The following ZNF257 variants were observed in gnomAD, a reference collection of about 807,000 sequenced individuals.
ZNF257 encodes zinc finger protein 257, also known as bone marrow zinc finger 4.
In ZNF257, 12 loss-of-function variants were observed where a neutral mutation model predicts 11.9. The observed-to-expected ratio is 1.01, with a 90% CI of 0.65 to 1.63. ZNF257 has a LOEUF of 1.63. ZNF257 is among the 40% of genes most tolerant of loss of function. ZNF257 has a pLI of 0.00. For missense variants in ZNF257, 580 were observed against 665.5 expected, an observed-to-expected ratio of 0.87 and a Z score of 1.41; for synonymous variants, 183 against 222.7, an observed-to-expected ratio of 0.82 and a Z score of 1.59.
At chr19:22,084,560 T>A (rs945929591) in intron 3 of ZNF257, among the ~76,000 whole-genome samples, 1 of 152,104 alleles carries the variant, frequency 6.6e-6, no homozygotes, top group African/African-American at 2.4e-5. Context: ...ATTAAATCTG[T>A]AGATTACATT....
At chr19:22,070,078 T>G (rs2022063056) in intron 1 of ZNF257, among the ~76,000 whole-genome samples, 1 of 151,948 alleles carries the variant, frequency 6.6e-6, no homozygotes, top group East Asian at 1.9e-4. Context: ...CTAGAAGTGG[T>G]GCTCACAGTT....
Position 22,088,683 on chromosome 19 carries a change from TGG to T in ZNF257, c.934_935del (p.Gly312ArgfsTer7). 1 of 1,613,572 alleles carries T rather than the reference TGG, an allele frequency of 6.2e-7. No individual in the cohort carries two copies. The highest frequency in any genetic ancestry group is 8.5e-7 in the Non-Finnish European group (1 of 1,179,836). On this transcript the variant is annotated frameshift_variant, in exon 4 of 4. Coordinates refer to ENST00000594947, the MANE Select transcript of ZNF257 (RefSeq NM_033468.4). LOFTEE classifies it low-confidence loss of function (END_TRUNC). ...TTACTCAACATAAGAGAATTCATAC[TGG>T]AGAGAAACCCTACAAATGTGAAGAG... ...TLTQHKRIHTGEKPYKCEECG... is the reference protein window; with the variant it reads ...TLTQHKRIHTXEKPYKCEECG...
intron 1 of ZNF257, 147 bp downstream of exon 1, chr19:22,052,782 C>T (rs1181557861): frequency 4.3e-6 from 4 of 925,620 alleles, no homozygotes; most frequent in Non-Finnish European, 6.6e-6. Context: ...CCTCGGTCCC[C>T]CTCAGCCATA....
chr19:22,073,591 C>G (rs1490408349), intron 3 of ZNF257, 27 bp downstream of exon 3: 2 of 1,597,820 alleles, frequency 1.3e-6, no homozygotes. Flanking sequence ...GCCAGTACAA[C>G]AGGTGAAACA....
Position 22,055,600 on chromosome 19 carries a change from A to G in ZNF257, c.3+2965A>G, listed in dbSNP as rs556042680. On this transcript the variant is annotated intron_variant, in intron 1 of 3. Coordinates refer to ENST00000594947, the MANE Select transcript of ZNF257 (RefSeq NM_033468.4). ...TTACAAAATAAAATGATCCTGGGCC[A>G]CTCAGTGGGGCATAGTGCAGTTTCT... Among the ~76,000 whole-genome samples the G allele has an allele frequency of 1.5e-4, 23 of 152,278 alleles. No homozygotes were observed. In the South Asian group the frequency reaches 4.6e-3, roughly 30 times the overall value.
chr19:22,073,012 TG>T, intron 2 of ZNF257, 77 bp downstream of exon 2: 2 of 1,385,384 alleles, frequency 1.4e-6, no homozygotes, highest in South Asian at 3.2e-5. Context: ...TTTTGTAGAA[TG>T]TTTTTTGGTA....
intron 3 of ZNF257, among the ~76,000 whole-genome samples, chr19:22,077,741 G>A (rs928084802): frequency 4.6e-5 from 7 of 151,680 alleles, no homozygotes; most frequent in Admixed American, 3.9e-4. Context: ...GTTCAAATAC[G>A]TCTTCCAGGT....
rs1162998890 is a variant in ZNF257 at position 22,088,372 on chromosome 19, A to C, written c.622A>C (p.Lys208Gln). The stretch of plus-strand genomic sequence containing the variant: ...TTCCCACAAATGTGAAGAATGTGGC[A>C]AAGCCTTTAACCAGTCCTCAGCTCT... ...ENSHKCEECG[K>Q]AFNQSSALTR... Residue 208 changes from lysine to glutamine, a missense_variant, in exon 4 of 4, where the codon AAA becomes CAA. By Grantham distance (53) the Lys-to-Gln change is moderately conservative (BLOSUM62 1). Coordinates refer to ENST00000594947, the MANE Select transcript of ZNF257 (RefSeq NM_033468.4). 6.2e-7 allele frequency: 1 copy of C among 1,613,702 alleles called. No homozygotes were observed. The highest frequency in any genetic ancestry group is 8.5e-7 in the Non-Finnish European group (1 of 1,179,870).
intron 1 of ZNF257, among the ~76,000 whole-genome samples, chr19:22,064,635 G>C (rs1225546731): frequency 6.6e-6 from 1 of 152,200 alleles, no homozygotes; most frequent in Non-Finnish European, 1.5e-5. Flanking sequence ...CACTGCAAAA[G>C]AAAGCAGTTC....
chr19:22,061,846 G>A (rs1246037414), intron 1 of ZNF257, among the ~76,000 whole-genome samples: 12 of 149,140 alleles, frequency 8.0e-5, no homozygotes, highest in Non-Finnish European at 5.9e-5. Context: ...TAACATAAAC[G>A]ATGTTAAATT....
intron 3 of ZNF257, chr19:22,074,598 C>G (rs1315721320): frequency 6.6e-6 from 1 of 152,124 alleles, no homozygotes; most frequent in Non-Finnish European, 1.5e-5. Flanking sequence ...ATGATCCGCC[C>G]TTGTCAGCCC....
At chr19:22,064,236 CT>C (rs2021883744) in intron 1 of ZNF257, 1 of 152,184 alleles carries the variant, frequency 6.6e-6, no homozygotes, top group Non-Finnish European at 1.5e-5. Context: ...CTTTATTCTT[CT>C]ACCTTGAAAT....
chr19:22,071,718 C>T (rs1188190173), intron 1 of ZNF257, among the ~76,000 whole-genome samples: 1 of 152,040 alleles, frequency 6.6e-6, no homozygotes, highest in East Asian at 1.9e-4. Context: ...GCAGAATTTT[C>T]TTCATGGATT....
Position 22,088,123 on chromosome 19 carries a change from G to T in ZNF257, c.373G>T (p.Val125Leu), listed in dbSNP as rs756541775. Residue 125 changes from valine to leucine, a missense_variant, in exon 4 of 4, where the codon GTG becomes TTG. Transcript: ENST00000594947. ...CTGTAAAAGTGTGGATGAGTGTAAGGTGTGCAAAGGAGGTTATAATGGACT... is the reference window on the plus strand; with the variant it reads ...CTGTAAAAGTGTGGATGAGTGTAAGTTGTGCAAAGGAGGTTATAATGGACT... ...KGCKSVDECK[V>L]CKGGYNGLNQ... 3.1e-6 allele frequency: 5 copies of T among 1,610,826 alleles called. No homozygotes were observed. The highest frequency in any genetic ancestry group is 4.5e-5 in the East Asian group (2 of 44,800).
chr19:22,081,214 A>G (rs935267953), intron 3 of ZNF257, among the ~76,000 whole-genome samples: 1 of 151,928 alleles, frequency 6.6e-6, no homozygotes, highest in Non-Finnish European at 1.5e-5. Context: ...TATATGTTAT[A>G]TATACACGTA....
rs1304635602 is a variant in ZNF257, at chr19:22,088,869, A to T, written c.1119A>T (p.Lys373Asn). The part of the protein sequence containing the change: ...KIIHTKEKPY[K>N]CEECGKAFNR... ...TTCATACTAAAGAGAAACCCTACAA[A>T]TGTGAAGAGTGTGGAAAAGCCTTTA... The change falls in exon 4 of 4, where the codon AAA (lysine) becomes AAT (asparagine). Residue 373 changes from lysine to asparagine, a missense_variant. Coordinates refer to ENST00000594947, the MANE Select transcript of ZNF257 (RefSeq NM_033468.4). The T allele has an allele frequency of 6.2e-7, 1 of 1,613,344 alleles. No individual in the cohort carries two copies. Among genetic ancestry groups the T allele is most frequent in the Non-Finnish European group, 8.5e-7 (1 of 1,179,722 alleles).
At chr19:22,084,259 A>G (rs1599673758) in intron 3 of ZNF257, among the ~76,000 whole-genome samples, 1 of 152,178 alleles carries the variant, frequency 6.6e-6, no homozygotes, top group Non-Finnish European at 1.5e-5. Context: ...TTCCGTAACA[A>G]TGCTACAATT....
chr19:22,058,820 A>G (rs1221377016), intron 1 of ZNF257, among the ~76,000 whole-genome samples: 1 of 152,062 alleles, frequency 6.6e-6, no homozygotes, highest in Admixed American at 6.6e-5. Context: ...AAAGACACCC[A>G]CTAGACATTG....
chr19:22,089,153 T>C lies in ZNF257; in HGVS notation c.1403T>C (p.Phe468Ser), dbSNP rs746895211. ...PYKCEECGKA[F>S]NQSSHLTQHK... Reference sequence around the variant, plus strand: ...AAATGTGAAGAGTGTGGCAAAGCCTTTAACCAGTCTTCACACCTTACTCAA... The same window carrying C: ...AAATGTGAAGAGTGTGGCAAAGCCTCTAACCAGTCTTCACACCTTACTCAA... The change falls in exon 4 of 4, where the codon TTT (phenylalanine) becomes TCT (serine). Residue 468 changes from phenylalanine to serine, a missense_variant. By Grantham distance (155) the Phe-to-Ser change is radical. Coordinates refer to ENST00000594947, the MANE Select transcript of ZNF257 (RefSeq NM_033468.4). 1.2e-6 allele frequency: 2 copies of C among 1,613,564 alleles called. No individual in the cohort carries two copies. The highest frequency in any genetic ancestry group is 1.7e-6 in the Non-Finnish European group (2 of 1,179,884).
Sources: allele counts gnomAD v4.1 joint callset (sites outside exome capture counted in the v4.1 genomes callset), GRCh38; gene constraint gnomAD v4.1.1; transcripts MANE v1.5; gene names NCBI Gene and HGNC (gene_info 2026-07-23, HGNC 2026-07-21).